EPB41L1: variants seen among roughly 807,000 people sequenced by gnomAD.
EPB41L1 encodes the protein band 4.1-like protein 1.
In EPB41L1, 29 loss-of-function variants were observed where a neutral mutation model predicts 97.8. That is an observed-to-expected ratio of 0.30 (90% CI 0.22 to 0.40). The LOEUF (loss-of-function observed/expected upper bound fraction) is 0.40. Ranked by LOEUF, EPB41L1 falls within the 10% of genes least tolerant of loss-of-function variation. The probability of loss-of-function intolerance (pLI) is 1.00; values close to 1 mark genes in which losing one functional copy is unlikely to be tolerated. For missense variants in EPB41L1, 812 were observed against 1,162.3 expected, an observed-to-expected ratio of 0.70 and a Z score of 4.38; for synonymous variants, 383 against 459.2, an observed-to-expected ratio of 0.83 and a Z score of 2.12.
chr20:36,108,091 C>T (rs940299196), intron 1 of EPB41L1, among the ~76,000 whole-genome samples: 2 of 151,804 alleles, frequency 1.3e-5, no homozygotes, highest in African/African-American at 4.8e-5. Flanking sequence ...TTAAGAGATC[C>T]TCCCACCTCA....
In EPB41L1 at chr20:36,162,495, G is replaced by A. The variant is rs532462954; in HGVS notation, c.-15+7599G>A. Among the ~76,000 whole-genome samples, 43 of 152,244 alleles carry A rather than the reference G, an allele frequency of 2.8e-4. No individual in the cohort carries two copies. The South Asian group carries it at 7.7e-3, about 27-fold the overall frequency. ...GCCATGTGGCCTTGGCCACTAAGCC[G>A]CCTGGGAAATAAGCTCACCTACTCC... is the stretch of plus-strand genomic sequence containing the variant. On this transcript the variant is annotated intron_variant, in intron 1 of 21. Transcript: ENST00000338074.
At chr20:36,164,153 GTCT>G (rs2060642304) in intron 1 of EPB41L1, among the ~76,000 whole-genome samples, 1 of 152,152 alleles carries the variant, frequency 6.6e-6, no homozygotes, top group African/African-American at 2.4e-5. Context: ...CCCTGCCAGT[GTCT>G]TCTATTGGCC....
At chr20:36,155,674 A>G (rs1435518228) in intron 1 of EPB41L1, 2 of 455,882 alleles carry the variant, frequency 4.4e-6, no homozygotes, top group Admixed American at 4.7e-5. Context: ...GACAAGGACC[A>G]AAAGGGAGTT....
chr20:36,187,610 C>T lies in EPB41L1; in HGVS notation c.786-66C>T, dbSNP rs1278846538. On this transcript the variant is annotated intron_variant, in intron 7 of 21. Coordinates refer to ENST00000338074, the MANE Select transcript of EPB41L1 (RefSeq NM_012156.2). ...AATCATGGGTTCTGATGGTGGGCACCTTTGGACAGCAGGACTAAACCTGGG... is the reference window on the plus strand; with the variant it reads ...AATCATGGGTTCTGATGGTGGGCACTTTTGGACAGCAGGACTAAACCTGGG... 6.6e-6 allele frequency: 9 copies of T among 1,355,874 alleles called. No individual in the cohort carries two copies. In the East Asian group the frequency reaches 2.1e-4, roughly 32 times the overall value. 84.0% of individuals were successfully genotyped at this position (1,355,874 alleles called of 1,614,324 possible).
At chr20:36,224,726 G>A (rs539681835) in intron 21 of EPB41L1, among the ~76,000 whole-genome samples, 70 of 152,144 alleles carry the variant, frequency 4.6e-4, no homozygotes, top group Admixed American at 1.0e-3. Flanking sequence ...AAATTTAATT[G>A]TGAAATTAAA....
At chr20:36,216,993 C>G (rs188392447) in intron 17 of EPB41L1, among the ~76,000 whole-genome samples, 15 of 152,182 alleles carry the variant, frequency 9.9e-5, no homozygotes, top group African/African-American at 3.6e-4. Context: ...GTCCTTTGGG[C>G]TCCTCCTTAG....
In EPB41L1 at chr20:36,232,315, T is replaced by C. The variant is rs1304641398; in HGVS notation, c.*2975T>C. On this transcript the variant is annotated 3_prime_UTR_variant, in exon 22 of 22. Transcript: ENST00000338074. ...AGTGGAAAAAGTCCCTGAGGGCGGTTAGGAGTTCTGGGTGACCATCCTGGC... is the reference window on the plus strand; with the variant it reads ...AGTGGAAAAAGTCCCTGAGGGCGGTCAGGAGTTCTGGGTGACCATCCTGGC... 3.2e-6 allele frequency: 1 copy of C among 311,076 alleles called. No individual in the cohort carries two copies. Among genetic ancestry groups the C allele is most frequent in the Non-Finnish European group, 5.8e-6 (1 of 171,616 alleles). 19.3% of individuals were successfully genotyped at this position (311,076 alleles called of 1,614,324 possible). A position where few individuals can be genotyped will look rare whatever the true frequency, so the allele number is the denominator to read the frequency against.
At chr20:36,120,546 T>C (rs1442676880) in intron 2 of EPB41L1, among the ~76,000 whole-genome samples, 1 of 152,190 alleles carries the variant, frequency 6.6e-6, no homozygotes, top group East Asian at 1.9e-4. Flanking sequence ...CGTGTCCCTG[T>C]CTGTTTGATG....
At position 36,212,186 on chromosome 20, in the gene EPB41L1, C is replaced by G; in HGVS notation, c.2080-86C>G. 4 of 1,268,608 alleles carry G rather than the reference C, an allele frequency of 3.2e-6. No individual in the cohort carries two copies. The South Asian group carries it at 4.8e-5, about 15-fold the overall frequency. 78.6% of individuals were successfully genotyped at this position (1,268,608 alleles called of 1,614,324 possible). A position where few individuals can be genotyped will look rare whatever the true frequency, so the allele number is the denominator to read the frequency against. On this transcript the variant is annotated intron_variant, in intron 15 of 21. Coordinates refer to ENST00000338074, the MANE Select transcript of EPB41L1 (RefSeq NM_012156.2). This position sits in a 1 kb window ranked among gnomAD's most constrained non-coding sequence, Gnocchi z 4.8. ...GGCCAGCTGTGGGGATAGGAGATAG[C>G]CTGCAGACACCACACTGCAATTGTC... is the stretch of plus-strand genomic sequence containing the variant.
intron 2 of EPB41L1, among the ~76,000 whole-genome samples, chr20:36,145,415 G>T (rs1366122060): frequency 1.4e-5 from 2 of 141,090 alleles, no homozygotes; most frequent in Non-Finnish European, 3.1e-5. Context: ...AAAAAAAAAA[G>T]AGTTCCCAGA....
intron 21 of EPB41L1, among the ~76,000 whole-genome samples, chr20:36,226,580 T>C (rs1046112029): frequency 6.6e-6 from 1 of 152,184 alleles, no homozygotes; most frequent in African/African-American, 2.4e-5. Flanking sequence ...ACACCCACTT[T>C]TCATAACGTC....
chr20:36,153,552 C>T (rs527366812), upstream of EPB41L1, among the ~76,000 whole-genome samples: 6 of 152,088 alleles, frequency 3.9e-5, no homozygotes, highest in East Asian at 3.9e-4. Flanking sequence ...TGGGGGTTCG[C>T]GGTCATATGG....
At chr20:36,182,039 GTTTTC>G (rs1430304202) in intron 5 of EPB41L1, among the ~76,000 whole-genome samples, 1 of 152,204 alleles carries the variant, frequency 6.6e-6, no homozygotes, top group Non-Finnish European at 1.5e-5. Context: ...TGCAGCGTCA[GTTTTC>G]TTTCTTTCTT....
At chr20:36,152,604 C>A (rs1423966189), upstream of EPB41L1, 1 of 208,884 alleles carries the variant, frequency 4.8e-6, no homozygotes, top group Non-Finnish European at 9.8e-6. Flanking sequence ...TATTTGGAAT[C>A]AAAATACTTG....
intron 2 of EPB41L1, among the ~76,000 whole-genome samples, chr20:36,144,154 C>T (rs957590937): frequency 6.6e-6 from 1 of 152,110 alleles, no homozygotes; most frequent in South Asian, 2.1e-4. Flanking sequence ...CGCCCAGCCC[C>T]CTAAAAGGTT....
At chr20:36,155,216 A>G (rs1249719814) in intron 1 of EPB41L1, 1 of 455,958 alleles carries the variant, frequency 2.2e-6, no homozygotes, top group Non-Finnish European at 4.4e-6. Context: ...TGCCGCCTCC[A>G]GAGGCCAAGG....
chr20:36,130,826 C>T (rs1357195531), intron 2 of EPB41L1, among the ~76,000 whole-genome samples: 3 of 150,816 alleles, frequency 2.0e-5, no homozygotes, highest in South Asian at 2.1e-4. Context: ...TTTTTTTCCC[C>T]GAGACAGAGT....
Position 36,190,795 on chromosome 20 carries a change from G to A in EPB41L1, c.1298G>A (p.Gly433Glu). The A allele has an allele frequency of 1.2e-6, 2 of 1,613,834 alleles. No individual in the cohort carries two copies. Among genetic ancestry groups the A allele is most frequent in the Non-Finnish European group, 1.7e-6 (2 of 1,180,036 alleles). The change falls in exon 11 of 22, where the codon GGA (glycine) becomes GAA (glutamate). Residue 433 changes from glycine to glutamate, a missense_variant and splice_region_variant. Around this residue, in one of 3 missense-constraint regions of EPB41L1, gnomAD observed 498 missense variants for 622.7 expected, o/e 0.80. Transcript: ENST00000338074. The surrounding 1 kb of genome is among the most constrained non-coding windows in gnomAD (Gnocchi z 5.8). The part of the protein sequence containing the change: ...KRYTMSRSLD[G>E]AEFSRPASVS... ...TACACCATGTCCCGCAGCCTTGATG[G>A]AGGTATGGCCCAAATTGGAGGGCTG...
intron 3 of EPB41L1, among the ~76,000 whole-genome samples, chr20:36,177,732 A>G (rs1204858146): frequency 6.6e-6 from 1 of 152,182 alleles, no homozygotes; most frequent in Non-Finnish European, 1.5e-5. Context: ...CACCACCAGA[A>G]CTTGGAAGAA....
Sources: allele counts gnomAD v4.1 joint callset (sites outside exome capture counted in the v4.1 genomes callset), GRCh38; gene constraint gnomAD v4.1.1; regional missense constraint gnomAD v4.1.1; non-coding constraint Gnocchi (gnomAD v3.1); transcripts MANE v1.5; gene names NCBI Gene and HGNC (gene_info 2026-07-23, HGNC 2026-07-21).